SOX6: variants seen among roughly 807,000 people sequenced by gnomAD.
SOX6 encodes the protein SRY-box transcription factor 6.
In SOX6, 11 loss-of-function variants were observed where a neutral mutation model predicts 97.8. The observed-to-expected ratio is 0.11, with a 90% CI of 0.07 to 0.19. The LOEUF is 0.19. Among genes scored for constraint, SOX6 ranks in the 10% least tolerant of loss-of-function variants. The probability of loss-of-function intolerance (pLI) is 1.00; values close to 1 mark genes in which losing one functional copy is unlikely to be tolerated. For synonymous variants in SOX6, 360 were observed against 371.4 expected (o/e 0.97, Z 0.35); for missense variants, 810 against 1,039.5 (o/e 0.78, Z 3.04).
intron 3 of SOX6, among the ~76,000 whole-genome samples, chr11:16,696,193 T>A (rs1352167594): frequency 1.3e-5 from 2 of 152,224 alleles, no homozygotes; most frequent in African/African-American, 4.8e-5. Context: ...AATCTAAATG[T>A]AACTCTAACC....
At chr11:16,307,463 T>C (rs297367) in intron 3 of SOX6, among the ~76,000 whole-genome samples, 93,005 of 152,064 alleles carry the variant, frequency 0.61, 28,927 homozygotes, top group East Asian at 0.72. Flanking sequence ...CCTCTTCTAC[T>C]TGAAATCAAA....
intron 1 of SOX6, chr11:16,738,377 C>A: frequency 4.4e-6 from 1 of 224,964 alleles, no homozygotes; most frequent in South Asian, 7.8e-5. Flanking sequence ...AGGCAAAAAC[C>A]CCTCTAAGCC....
chr11:16,517,197 C>A (rs887776553), intron 4 of SOX6, among the ~76,000 whole-genome samples: 2 of 152,082 alleles, frequency 1.3e-5, no homozygotes, highest in Admixed American at 6.6e-5. Context: ...TAAGAGCTAT[C>A]TGTGACAAAC....
intron 3 of SOX6, among the ~76,000 whole-genome samples, chr11:16,309,399 A>G (rs297365): frequency 0.44 from 67,267 of 152,068 alleles, 15,186 homozygotes; most frequent in East Asian, 0.48. Flanking sequence ...TATAAGAATA[A>G]AAAGCAAGTC....
intron 1 of SOX6, among the ~76,000 whole-genome samples, chr11:16,402,105 T>C (rs2134443597): frequency 6.6e-6 from 1 of 151,588 alleles, no homozygotes; most frequent in South Asian, 2.1e-4. Context: ...TGATTTGGTT[T>C]TGAGGGAAAA....
At chr11:16,451,798 C>A (rs933157830) in intron 1 of SOX6, among the ~76,000 whole-genome samples, 2 of 151,730 alleles carry the variant, frequency 1.3e-5, no homozygotes, top group African/African-American at 4.9e-5. Context: ...CTTTGGGAGG[C>A]CGAGGAGAAA....
intron 1 of SOX6, among the ~76,000 whole-genome samples, chr11:16,382,661 T>C (rs1857859853): frequency 6.6e-6 from 1 of 151,904 alleles, no homozygotes; most frequent in South Asian, 2.1e-4. Context: ...TATCTAAAGG[T>C]AAAGAGATGC....
At chr11:16,224,474 T>C (rs901471214) in intron 4 of SOX6, among the ~76,000 whole-genome samples, 1 of 152,078 alleles carries the variant, frequency 6.6e-6, no homozygotes, top group Non-Finnish European at 1.5e-5. Context: ...AGGAATTCTT[T>C]CCAGTAGCTT....
chr11:16,181,746 G>A (rs573266419), intron 6 of SOX6, among the ~76,000 whole-genome samples: 62 of 151,710 alleles, frequency 4.1e-4, no homozygotes, highest in Non-Finnish European at 7.1e-4. Context: ...AGGACAGAAT[G>A]AACTATAAAT....
chr11:16,563,005 A>G (rs1847832466), intron 4 of SOX6, among the ~76,000 whole-genome samples: 1 of 152,232 alleles, frequency 6.6e-6, no homozygotes, highest in South Asian at 2.1e-4. Context: ...CATAATAAAA[A>G]ACAAAAATAT....
chr11:15,987,314 C>T (rs1433163531), intron 14 of SOX6, among the ~76,000 whole-genome samples: 1 of 152,102 alleles, frequency 6.6e-6, no homozygotes, highest in East Asian at 1.9e-4. Flanking sequence ...CAGCAATATC[C>T]TAGTCTGCTT....
chr11:16,135,150 T>C (rs1376642916), intron 6 of SOX6, among the ~76,000 whole-genome samples: 1 of 152,168 alleles, frequency 6.6e-6, no homozygotes, highest in Non-Finnish European at 1.5e-5. Flanking sequence ...TGTTGAGACC[T>C]ACTGCTCAGA....
chr11:16,124,119 C>T (rs1025092831), intron 6 of SOX6, among the ~76,000 whole-genome samples: 1 of 152,058 alleles, frequency 6.6e-6, no homozygotes, highest in Non-Finnish European at 1.5e-5. Context: ...ATAAATTTCC[C>T]TCTGTCAATA....
chr11:16,610,001 A>C lies in SOX6; in HGVS notation n.609+2080T>G, dbSNP rs544088827. 4.7e-4 allele frequency among the ~76,000 whole-genome samples: 71 copies of C among 152,326 alleles called. No individual in the cohort carries two copies. The highest frequency in any genetic ancestry group is 1.6e-3 in the African/African-American group (66 of 41,564). ...CCTTGCTGGGCAGCTCTTAAAGGCCAGGGCTCCCAGAACTGCCTGCGGGCC... is the reference window on the plus strand; with the variant it reads ...CCTTGCTGGGCAGCTCTTAAAGGCCCGGGCTCCCAGAACTGCCTGCGGGCC... On this transcript the variant is annotated intron_variant and non_coding_transcript_variant, in intron 4 of 5. Coordinates refer to the SOX6 transcript ENST00000524520. This position sits in a 1 kb window ranked among gnomAD's most constrained non-coding sequence, Gnocchi z 4.4.
chr11:16,723,185 T>C (rs1300837486), intron 2 of SOX6, among the ~76,000 whole-genome samples: 1 of 152,172 alleles, frequency 6.6e-6, no homozygotes, highest in Non-Finnish European at 1.5e-5. Context: ...GGAATATGAA[T>C]AGAGCTGAAG....
At chr11:16,517,799 A>G (rs1860997223) in intron 4 of SOX6, among the ~76,000 whole-genome samples, 1 of 152,196 alleles carries the variant, frequency 6.6e-6, no homozygotes, top group Non-Finnish European at 1.5e-5. Context: ...TATATCTACA[A>G]AATGCATATT....
At chr11:16,246,580 T>A (rs981864596) in intron 3 of SOX6, among the ~76,000 whole-genome samples, 1 of 151,946 alleles carries the variant, frequency 6.6e-6, no homozygotes, top group African/African-American at 2.4e-5. Context: ...AACTGAATTG[T>A]TTCTGATGTG....
rs1452072485 is a variant in SOX6 at position 16,237,146 on chromosome 11, C to G, written c.446-2475G>C. ...AGGACTAGGAGATTCCAGGAAGACT[C>G]GAACCTGTAAGAAAGTCTCTTGACA... On this transcript the variant is annotated intron_variant, in intron 3 of 15. Transcript: ENST00000683767. Among the ~76,000 whole-genome samples, 5 of 152,038 alleles carry G rather than the reference C, an allele frequency of 3.3e-5. No individual in the cohort carries two copies. In the South Asian group the frequency reaches 8.3e-4, roughly 25 times the overall value.
chr11:16,319,108 T>C (rs547197787), intron 2 of SOX6, among the ~76,000 whole-genome samples: 1 of 152,276 alleles, frequency 6.6e-6, no homozygotes, highest in African/African-American at 2.4e-5. Flanking sequence ...CACTGTCCTT[T>C]AGTTTAGAAC....
Sources: allele counts gnomAD v4.1 joint callset (sites outside exome capture counted in the v4.1 genomes callset), GRCh38; gene constraint gnomAD v4.1.1; non-coding constraint Gnocchi (gnomAD v3.1); transcripts MANE v1.5; gene names NCBI Gene and HGNC (gene_info 2026-07-23, HGNC 2026-07-21).